The following DPY30 variants were observed in gnomAD, a reference collection of about 807,000 sequenced individuals.
DPY30 encodes dpy-30 histone methyltransferase complex regulatory subunit.
DPY30 carries 6 observed loss-of-function variants against 16.2 expected under a neutral mutation model. That is an observed-to-expected ratio of 0.37 (90% confidence interval 0.20 to 0.73). DPY30 has a LOEUF of 0.73. Among genes scored for constraint, DPY30 ranks in the 30% least tolerant of loss-of-function variants. The pLI is 0.51. For missense variants in DPY30, 73 were observed against 113.1 expected, an observed-to-expected ratio of 0.65 and a Z score of 1.61; for synonymous variants, 39 against 38.8, an observed-to-expected ratio of 1.00 and a Z score of -0.02.
chr2:32,039,349 CAG>C, intron 2 of DPY30, 23 bp from the exon 3 acceptor site: 1 of 1,614,136 alleles, frequency 6.2e-7, no homozygotes, highest in African/African-American at 1.3e-5. Context: ...ACACCGGTCA[CAG>C]AGATATAAGT....
At position 32,029,677 on chromosome 2, in the gene DPY30, G is replaced by A; in HGVS notation, c.144C>T (p.Leu48=). 1 of 1,614,050 alleles carries A rather than the reference G, an allele frequency of 6.2e-7. No individual in the cohort carries two copies. Residue 48 remains leucine, a synonymous_variant, in exon 4 of 5, where the codon CTC becomes CTT. Coordinates refer to ENST00000342166, the MANE Select transcript of DPY30 (RefSeq NM_001321209.2). ...GGTAGGCACGAGTTGGCAAAGACTGGAGATCTACCTTCTGCTTTGATGACT... is the reference window on the plus strand; with the variant it reads ...GGTAGGCACGAGTTGGCAAAGACTGAAGATCTACCTTCTGCTTTGATGACT... ...AEKSSKQKVD[L]QSLPTRAYLD...
Position 32,029,673 on chromosome 2 carries a change from A to T in DPY30, c.148T>A (p.Ser50Thr). 6.2e-7 allele frequency: 1 copy of T among 1,614,084 alleles called. No homozygotes were observed. The highest frequency in any genetic ancestry group is 2.2e-5 in the East Asian group (1 of 44,862). Residue 50 changes from serine to threonine, a missense_variant, in exon 4 of 5, where the codon TCT becomes ACT. By Grantham distance (58) the Ser-to-Thr change is moderately conservative (BLOSUM62 1). Transcript: ENST00000342166. ...TCCAGGTAGGCACGAGTTGGCAAAGACTGGAGATCTACCTTCTGCTTTGAT... is the reference window on the plus strand; with the variant it reads ...TCCAGGTAGGCACGAGTTGGCAAAGTCTGGAGATCTACCTTCTGCTTTGAT... Reference protein sequence around the residue: ...KSSKQKVDLQSLPTRAYLDQT... With the variant: ...KSSKQKVDLQTLPTRAYLDQT...
At chr2:32,012,412 C>CTT (rs1558579376) in intron 5 of DPY30, among the ~76,000 whole-genome samples, 4 of 121,560 alleles carry the variant, frequency 3.3e-5, no homozygotes, top group Admixed American at 1.7e-4. Context: ...AAACCTCTCT[C>CTT]TTTTTTCTTT....
At chr2:32,037,584 G>GC (rs1675793155) in intron 3 of DPY30, among the ~76,000 whole-genome samples, 1 of 150,664 alleles carries the variant, frequency 6.6e-6, no homozygotes, top group Non-Finnish European at 1.5e-5. Flanking sequence ...TTGAGACAGA[G>GC]TCTCACTCTG....
At chr2:32,023,727 G>A, downstream of DPY30, 1 of 1,304,254 alleles carries the variant, frequency 7.7e-7, no homozygotes, top group Non-Finnish European at 1.0e-6. Context: ...CCCTCAGAAA[G>A]GTCCAGAAAC....
chr2:32,015,323 A>G (rs1258650563), intron 5 of DPY30, among the ~76,000 whole-genome samples: 1 of 152,204 alleles, frequency 6.6e-6, no homozygotes, highest in Non-Finnish European at 1.5e-5. Flanking sequence ...CTAGTGTTCT[A>G]ACCTAGTGTC....
intron 3 of DPY30, among the ~76,000 whole-genome samples, chr2:32,030,741 G>C (rs190808992): frequency 3.9e-5 from 6 of 152,038 alleles, no homozygotes; most frequent in Non-Finnish European, 8.8e-5. Flanking sequence ...GGAGGTTGCA[G>C]TGAGACGAGA....
intron 5 of DPY30, among the ~76,000 whole-genome samples, chr2:32,018,036 A>T (rs113883534): frequency 5.8e-4 from 89 of 152,336 alleles, no homozygotes; most frequent in African/African-American, 2.1e-3. Context: ...CACAACTTTA[A>T]TCTTGAACTT....
At chr2:32,029,811 G>A in intron 3 of DPY30, 75 bp from the exon 4 acceptor site, 2 of 1,515,784 alleles carry the variant, frequency 1.3e-6, no homozygotes, top group Admixed American at 1.7e-5. Context: ...AAAACTAATG[G>A]AAATATGACA....
At chr2:32,030,188 T>C (rs1675481927) in intron 3 of DPY30, among the ~76,000 whole-genome samples, 1 of 152,218 alleles carries the variant, frequency 6.6e-6, no homozygotes, top group African/African-American at 2.4e-5. Flanking sequence ...AGAATACAGC[T>C]AAAATTTATT....
At chr2:32,029,775 T>C in intron 3 of DPY30, 39 bp from the exon 4 acceptor site, 1 of 1,608,744 alleles carries the variant, frequency 6.2e-7, no homozygotes. Context: ...ACATTTCAAA[T>C]AACCAGGTTA....
At chr2:32,015,977 C>T (rs1298597763) in intron 5 of DPY30, among the ~76,000 whole-genome samples, 1 of 152,146 alleles carries the variant, frequency 6.6e-6, no homozygotes, top group African/African-American at 2.4e-5. Context: ...GCAGCCTCCA[C>T]CGCCTCTAGG....
chr2:32,039,606 C>G, intron 1 of DPY30, 114 bp from the exon 2 acceptor site: 1 of 963,658 alleles, frequency 1.0e-6, no homozygotes, highest in South Asian at 1.5e-5. Context: ...GGCGCGGGAG[C>G]ACCACGAGCA....
chr2:32,019,820 C>T (rs1293867173), downstream of DPY30, among the ~76,000 whole-genome samples: 2 of 86,666 alleles, frequency 2.3e-5, no homozygotes, highest in African/African-American at 7.6e-5. Context: ...AACTCCGTCT[C>T]AAAAAAAAAA....
chr2:32,021,819 T>C (rs1675188848), downstream of DPY30, among the ~76,000 whole-genome samples: 1 of 152,204 alleles, frequency 6.6e-6, no homozygotes, highest in African/African-American at 2.4e-5. Flanking sequence ...TTTTTATGTT[T>C]ATATTGTTTA....
intron 5 of DPY30, among the ~76,000 whole-genome samples, chr2:32,012,419 CTTTTTTTTT>C (rs397984233): frequency 4.9e-4 from 40 of 81,680 alleles, no homozygotes; most frequent in Non-Finnish European, 7.2e-4. Context: ...TCTCTTTTTT[CTTTTTTTTT>C]TTTTTTTTTT....
At chr2:32,020,489 G>C (rs1675154960), downstream of DPY30, among the ~76,000 whole-genome samples, 1 of 152,146 alleles carries the variant, frequency 6.6e-6, no homozygotes, top group Non-Finnish European at 1.5e-5. Flanking sequence ...TCCAACCTGG[G>C]TGACAGAGCA....
intron 3 of DPY30, among the ~76,000 whole-genome samples, chr2:32,034,936 T>C (rs1435875122): frequency 6.7e-6 from 1 of 148,506 alleles, no homozygotes; most frequent in African/African-American, 2.5e-5. Context: ...GAGGTGGAGG[T>C]TGCATTGACC....
At chr2:32,026,000 CAGG>C (rs1367289537) in intron 4 of DPY30, among the ~76,000 whole-genome samples, 1 of 151,906 alleles carries the variant, frequency 6.6e-6, no homozygotes, top group Non-Finnish European at 1.5e-5. Context: ...CACAGCTACT[CAGG>C]AGGTTAGGTG....
Sources: allele counts gnomAD v4.1 joint callset (sites outside exome capture counted in the v4.1 genomes callset), GRCh38; gene constraint gnomAD v4.1.1; transcripts MANE v1.5; gene names NCBI Gene and HGNC (gene_info 2026-07-23, HGNC 2026-07-21).